Variants in FAF1 observed in about 807,000 individuals in gnomAD.
FAF1 encodes Fas associated factor 1.
Under a neutral mutation model 92.5 loss-of-function variants are expected in FAF1, and 25 were observed. The observed-to-expected ratio is 0.27, with a 90% CI of 0.20 to 0.38. FAF1 has a LOEUF of 0.38. Ranked by LOEUF, FAF1 falls within the 10% of genes least tolerant of loss-of-function variation. The pLI is 1.00. For synonymous variants in FAF1, 234 were observed against 273.2 expected, an observed-to-expected ratio of 0.86 and a Z score of 1.42; for missense variants, 636 against 793.3, an observed-to-expected ratio of 0.80 and a Z score of 2.38.
chr1:50,567,700 T>C (rs1284394279), intron 12 of FAF1, among the ~76,000 whole-genome samples: 1 of 152,104 alleles, frequency 6.6e-6, no homozygotes, highest in African/African-American at 2.4e-5. Flanking sequence ...GTCTCTTCCA[T>C]TTGAAAGGAA....
intron 8 of FAF1, among the ~76,000 whole-genome samples, chr1:50,599,812 T>C (rs1307657235): frequency 6.6e-6 from 1 of 152,228 alleles, no homozygotes; most frequent in African/African-American, 2.4e-5. Context: ...TGTGGTTATT[T>C]GGATTTGGTA....
chr1:50,872,230 T>A (rs923050726), intron 1 of FAF1, among the ~76,000 whole-genome samples: 1 of 152,096 alleles, frequency 6.6e-6, no homozygotes, highest in Non-Finnish European at 1.5e-5. Context: ...GGTCAAAATA[T>A]CAACATCAAC....
chr1:50,638,840 A>C (rs1654188738), intron 8 of FAF1, among the ~76,000 whole-genome samples: 1 of 152,128 alleles, frequency 6.6e-6, no homozygotes, highest in African/African-American at 2.4e-5. Flanking sequence ...TTGAAAAAAA[A>C]CTTATTTTTA....
intron 1 of FAF1, among the ~76,000 whole-genome samples, chr1:50,906,676 T>C (rs896001144): frequency 7.2e-5 from 11 of 152,222 alleles, no homozygotes; most frequent in Non-Finnish European, 1.5e-5. Context: ...TTCGGCTCTC[T>C]GTTTGTCTGT....
chr1:50,960,137 G>A lies in FAF1; in HGVS notation c.-326C>T. 2.8e-6 allele frequency: 1 copy of A among 362,876 alleles called. No individual in the cohort carries two copies. The highest frequency in any genetic ancestry group is 4.9e-6 in the Non-Finnish European group (1 of 202,300). The allele number at this position is 362,876 out of a possible 1,614,324, so 22.5% of individuals were successfully genotyped here. On this transcript the variant is annotated 5_prime_UTR_variant, in exon 1 of 19. Coordinates refer to ENST00000396153, the MANE Select transcript of FAF1 (RefSeq NM_007051.3). ...GGATGAGGGCAGGTTGCGACAGCGC[G>A]CACCCGGATACCTTCAGCGGCGTTA...
chr1:50,904,376 T>TA (rs1644818978), intron 1 of FAF1, among the ~76,000 whole-genome samples: 3 of 152,106 alleles, frequency 2.0e-5, no homozygotes, highest in African/African-American at 7.2e-5. Context: ...AATGAGGAAT[T>TA]AAAGTTTAAT....
intron 8 of FAF1, chr1:50,606,879 T>C (rs1476823904): frequency 1.3e-5 from 2 of 152,116 alleles, no homozygotes; most frequent in Non-Finnish European, 2.9e-5. Context: ...AAAGGATACA[T>C]TACATAGCCA....
chr1:50,894,159 T>A (rs1188389962), intron 1 of FAF1, among the ~76,000 whole-genome samples: 1 of 151,370 alleles, frequency 6.6e-6, no homozygotes, highest in African/African-American at 2.4e-5. Flanking sequence ...ATTAGCCAGG[T>A]GTGGTGGCAC....
chr1:50,530,269 GTGTGTGTATGTATA>G (rs910521085), intron 15 of FAF1, among the ~76,000 whole-genome samples: 1 of 139,810 alleles, frequency 7.2e-6, no homozygotes, highest in African/African-American at 2.6e-5. Flanking sequence ...GTGTGTGTGT[GTGTGTGTATGTATA>G]TATGTATATA....
chr1:50,779,284 T>C (rs779465460), intron 4 of FAF1, among the ~76,000 whole-genome samples: 32 of 152,214 alleles, frequency 2.1e-4, no homozygotes, highest in Non-Finnish European at 3.8e-4. Flanking sequence ...CTATTAATGT[T>C]GATATCTTGA....
At chr1:50,954,534 AT>A (rs1645248247) in intron 1 of FAF1, among the ~76,000 whole-genome samples, 1 of 123,238 alleles carries the variant, frequency 8.1e-6, no homozygotes, top group African/African-American at 3.1e-5. Flanking sequence ...AAAATAAAAA[AT>A]TTTGATTTTT....
intron 6 of FAF1, among the ~76,000 whole-genome samples, chr1:50,713,504 T>C (rs925884007): frequency 4.6e-5 from 7 of 151,946 alleles, no homozygotes; most frequent in Non-Finnish European, 7.4e-5. Flanking sequence ...GAACTCCTGA[T>C]CTCAGGTGAT....
chr1:50,787,391 C>A (rs901878961), intron 4 of FAF1, among the ~76,000 whole-genome samples: 1 of 152,084 alleles, frequency 6.6e-6, no homozygotes, highest in Non-Finnish European at 1.5e-5. Context: ...GGATTAGATG[C>A]CCTTATAAAA....
At chr1:50,855,242 T>C (rs930327791) in intron 2 of FAF1, among the ~76,000 whole-genome samples, 14 of 151,842 alleles carry the variant, frequency 9.2e-5, no homozygotes, top group Admixed American at 9.2e-4. Flanking sequence ...AGACTACATC[T>C]TGTTATATTT....
intron 8 of FAF1, among the ~76,000 whole-genome samples, chr1:50,621,436 G>T (rs1299478013): frequency 1.8e-5 from 2 of 108,782 alleles, no homozygotes; most frequent in African/African-American, 7.3e-5. Flanking sequence ...GTCTCACTCT[G>T]TAGCCCAAGC....
chr1:50,720,121 C>A (rs913192613), intron 6 of FAF1, among the ~76,000 whole-genome samples: 2 of 152,082 alleles, frequency 1.3e-5, no homozygotes, highest in Non-Finnish European at 2.9e-5. Flanking sequence ...CTTACCTCAG[C>A]CTCCCAAGTA....
chr1:50,915,273 G>C (rs1644911656), intron 1 of FAF1, among the ~76,000 whole-genome samples: 1 of 151,832 alleles, frequency 6.6e-6, no homozygotes, highest in Admixed American at 6.6e-5. Context: ...GGGAGGCTGA[G>C]GCACGAGAAT....
intron 12 of FAF1, among the ~76,000 whole-genome samples, chr1:50,579,523 A>G (rs1015888955): frequency 3.3e-5 from 5 of 152,156 alleles, no homozygotes; most frequent in African/African-American, 1.2e-4. Flanking sequence ...TGATTGTTTA[A>G]ATATAACAAC....
chr1:50,868,439 C>T (rs1168813268), intron 1 of FAF1, among the ~76,000 whole-genome samples: 1 of 151,362 alleles, frequency 6.6e-6, no homozygotes, highest in African/African-American at 2.4e-5. Context: ...TTATTATTTC[C>T]TTCTTTCCAC....
Sources: gnomAD v4.1 joint callset for allele counts (sites outside exome capture counted in the v4.1 genomes callset) on GRCh38, gnomAD v4.1.1 for gene constraint, MANE v1.5 for transcripts, NCBI Gene and HGNC (gene_info 2026-07-23, HGNC 2026-07-21) for gene names.